The following DTX3 variants were observed in gnomAD, a reference collection of about 807,000 sequenced individuals.
The protein encoded by DTX3 is deltex E3 ubiquitin ligase 3.
A neutral mutation model predicts 27.4 loss-of-function variants in DTX3; 10 were observed. The observed-to-expected ratio is 0.36, with a 90% CI of 0.22 to 0.62. The LOEUF (loss-of-function observed/expected upper bound fraction) is 0.62. Ranked by LOEUF, DTX3 falls within the 20% of genes least tolerant of loss-of-function variation. The pLI, the probability that DTX3 is intolerant of heterozygous loss-of-function variation, is 0.68. For synonymous variants in DTX3, 171 were observed against 190.7 expected, an observed-to-expected ratio of 0.90 and a Z score of 0.85; for missense variants, 319 against 463.8, an observed-to-expected ratio of 0.69 and a Z score of 2.87.
chr12:57,606,406 G>A, intron 3 of DTX3, 37 bp from the exon 4 acceptor site: 2 of 1,537,912 alleles, frequency 1.3e-6, no homozygotes, highest in Non-Finnish European at 1.8e-6. Flanking sequence ...TGGGAGAAGG[G>A]GTTTCTCACT....
At chr12:57,606,549 C>G (rs747095815) in intron 4 of DTX3, 31 bp downstream of exon 4, 1 of 1,613,024 alleles carries the variant, frequency 6.2e-7, no homozygotes, top group Admixed American at 1.7e-5. Context: ...AAGAGTCTCC[C>G]TCCCCTTTAA....
chr12:57,607,066 C>A lies in DTX3; in HGVS notation c.203C>A (p.Pro68His). 6.2e-7 allele frequency: 1 copy of A among 1,614,196 alleles called. No individual in the cohort carries two copies. Residue 68 changes from proline to histidine, a missense_variant, in exon 5 of 7, where the codon CCC becomes CAC. Transcript: ENST00000337737. This position sits in a 1 kb window ranked among gnomAD's most constrained non-coding sequence, Gnocchi z 7.7. ...CTCCAGCTTTCCCCACAGGGTCCTCCCCCGGCCCCTCCAAATGGGCTCTAC... is the reference window on the plus strand; with the variant it reads ...CTCCAGCTTTCCCCACAGGGTCCTCACCCGGCCCCTCCAAATGGGCTCTAC... ...YVLQLSPQGP[P>H]PAPPNGLYLA...
Position 57,609,181 on chromosome 12 carries a change from T to A in DTX3, c.*29T>A. 6.2e-7 allele frequency: 1 copy of A among 1,608,962 alleles called. No homozygotes were observed. The highest frequency in any genetic ancestry group is 1.1e-5 in the South Asian group (1 of 90,836). On this transcript the variant is annotated 3_prime_UTR_variant, in exon 7 of 7. Transcript: ENST00000337737. The stretch of plus-strand genomic sequence containing the variant: ...ACATCGCCTTTGCCAAGGCCCCTGC[T>A]GTCTGCCTCTACTAGGACCCAGCAG...
chr12:57,607,379 G>C lies in DTX3; in HGVS notation c.516G>C (p.Gln172His), dbSNP rs1484626184. 1.2e-6 allele frequency: 2 copies of C among 1,613,264 alleles called. No homozygotes were observed. Among genetic ancestry groups the C allele is most frequent in the Non-Finnish European group, 1.7e-6 (2 of 1,179,626 alleles). Residue 172 changes from glutamine (Q) to histidine (H), a missense_variant, in exon 5 of 7, where the codon CAG (glutamine) becomes CAC (histidine). This residue lies in a region of DTX3 where 117 missense variants were observed against 258.5 expected (regional missense o/e 0.45). Coordinates refer to ENST00000337737, the MANE Select transcript of DTX3 (RefSeq NM_178502.4). The surrounding 1 kb of genome is among the most constrained non-coding windows in gnomAD (Gnocchi z 7.7). ...STCPICLGEIQNAKTLEKCRH... is the reference protein window; with the variant it reads ...STCPICLGEIHNAKTLEKCRH... ...GCCCCATCTGTCTGGGGGAGATCCA[G>C]AATGCCAAGACATTGGAGAAGTGCC...
rs931851315 is a variant in DTX3, at chr12:57,608,436, A to G, written c.751-84A>G. The G allele has an allele frequency of 4.5e-5, 57 of 1,271,820 alleles. No individual in the cohort carries two copies. The African/African-American group carries it at 7.1e-4, about 16-fold the overall frequency. The allele number at this position is 1,271,820 out of a possible 1,614,324, so 78.8% of individuals were successfully genotyped here. On this transcript the variant is annotated intron_variant, in intron 5 of 6. Transcript: ENST00000337737. This position sits in a 1 kb window ranked among gnomAD's most constrained non-coding sequence, Gnocchi z 6.1. ...ATTAGCTGGGGGTGCTCAGACAGAG[A>G]CTAGCCTGGATGACCCTCCTCTGGC...
rs963119498 is a variant in DTX3 at position 57,607,767 on chromosome 12, C to T, written c.750+154C>T. ...CAGTGCCCTGGACCTAGGAGGTCCC[C>T]GTGAGGCCCAGCCTTTCCATCCCTG... On this transcript the variant is annotated intron_variant, in intron 5 of 6. Coordinates refer to ENST00000337737, the MANE Select transcript of DTX3 (RefSeq NM_178502.4). The surrounding 1 kb of genome is among the most constrained non-coding windows in gnomAD (Gnocchi z 7.7). Among the ~76,000 whole-genome samples the T allele has an allele frequency of 1.3e-5, 2 of 152,038 alleles. No individual in the cohort carries two copies. The highest frequency in any genetic ancestry group is 2.1e-4 in the South Asian group (1 of 4,820).
chr12:57,608,805 C>G lies in DTX3; in HGVS notation c.968+68C>G. On this transcript the variant is annotated intron_variant, in intron 6 of 6. Transcript: ENST00000337737. The surrounding 1 kb of genome is among the most constrained non-coding windows in gnomAD (Gnocchi z 6.1). ...TGTTCCATTTCCACTGAGGGACCCACCAACCCCTCGCTCACGGAGCCTCCT... is the reference window on the plus strand; with the variant it reads ...TGTTCCATTTCCACTGAGGGACCCAGCAACCCCTCGCTCACGGAGCCTCCT... The G allele has an allele frequency of 6.4e-7, 1 of 1,555,624 alleles. No homozygotes were observed. Among genetic ancestry groups the G allele is most frequent in the African/African-American group, 1.4e-5 (1 of 73,490 alleles).
chr12:57,607,439 T>C lies in DTX3; in HGVS notation c.576T>C (p.Ala192=), dbSNP rs1883793270. Residue 192 remains alanine (A), a synonymous_variant, in exon 5 of 7, where the codon GCT becomes GCC. Transcript: ENST00000337737. The surrounding 1 kb of genome is among the most constrained non-coding windows in gnomAD (Gnocchi z 7.7). ...HSFCEGCITR[A]LQVKKACPMC... Reference sequence around the variant, plus strand: ...TCTGCGAGGGCTGCATCACCCGGGCTCTGCAGGTGAAAAAGGCCTGCCCCA... The same window carrying C: ...TCTGCGAGGGCTGCATCACCCGGGCCCTGCAGGTGAAAAAGGCCTGCCCCA... 6 of 1,614,128 alleles carry C rather than the reference T, an allele frequency of 3.7e-6. No homozygotes were observed. The highest frequency in any genetic ancestry group is 1.7e-4 in the Middle Eastern group (1 of 6,058).
chr12:57,607,349 C>T lies in DTX3; in HGVS notation c.486C>T (p.Ser162=). 6.2e-7 allele frequency: 1 copy of T among 1,611,428 alleles called. No individual in the cohort carries two copies. The highest frequency in any genetic ancestry group is 8.5e-7 in the Non-Finnish European group (1 of 1,178,844). ...GGGAGGAGGCAGAAGAGCAGGAGAGCACCTGCCCCATCTGTCTGGGGGAGA... is the reference window on the plus strand; with the variant it reads ...GGGAGGAGGCAGAAGAGCAGGAGAGTACCTGCCCCATCTGTCTGGGGGAGA... ...RLREEAEEQE[S]TCPICLGEIQ... is the part of the protein sequence containing the mutation. Residue 162 remains serine (S), a synonymous_variant, in exon 5 of 7, where the codon AGC becomes AGT. Transcript: ENST00000337737. This position sits in a 1 kb window ranked among gnomAD's most constrained non-coding sequence, Gnocchi z 7.7.
Position 57,607,522 on chromosome 12 carries a change from T to C in DTX3, c.659T>C (p.Leu220Pro). Residue 220 changes from leucine to proline, a missense_variant, in exon 5 of 7, where the codon CTG (leucine) becomes CCG (proline). Transcript: ENST00000337737. This position sits in a 1 kb window ranked among gnomAD's most constrained non-coding sequence, Gnocchi z 7.7. ...AACCAGCCCCAGAATGGGCGGATGC[T>C]GGTCTCTAAGGACGCCACCCTCCTA... ...VGNQPQNGRMLVSKDATLLLP... is the reference protein window; with the variant it reads ...VGNQPQNGRMPVSKDATLLLP... 1 of 1,614,188 alleles carries C rather than the reference T, an allele frequency of 6.2e-7. No individual in the cohort carries two copies. The highest frequency in any genetic ancestry group is 8.5e-7 in the Non-Finnish European group (1 of 1,180,018).
At position 57,607,732 on chromosome 12, in the gene DTX3, C is replaced by A. The variant is rs1336343511; in HGVS notation, c.750+119C>A. 6.6e-6 allele frequency: 9 copies of A among 1,364,462 alleles called. No homozygotes were observed. In the East Asian group the frequency reaches 1.6e-4, roughly 25 times the overall value. 84.5% of individuals were successfully genotyped at this position (1,364,462 alleles called of 1,614,324 possible). ...GACAGTCTTGCTGTCTTCCACTGTG[C>A]CCTCCTACTCAGTGCCCTGGACCTA... On this transcript the variant is annotated intron_variant, in intron 5 of 6. Transcript: ENST00000337737. This position sits in a 1 kb window ranked among gnomAD's most constrained non-coding sequence, Gnocchi z 7.7.
rs1883928001 is a variant in DTX3, at chr12:57,609,541, C to G, written c.*389C>G. Reference sequence around the variant, plus strand: ...TTCCTAACCGCCCCCACATACTGCTCCACCGCTGAACTTCGGGTGCCGGGG... The same window carrying G: ...TTCCTAACCGCCCCCACATACTGCTGCACCGCTGAACTTCGGGTGCCGGGG... On this transcript the variant is annotated 3_prime_UTR_variant, in exon 7 of 7. Transcript: ENST00000337737. 5.0e-6 allele frequency: 1 copy of G among 201,136 alleles called. No homozygotes were observed. The highest frequency in any genetic ancestry group is 1.0e-5 in the Non-Finnish European group (1 of 97,058). The allele number at this position is 201,136 out of a possible 1,614,324, so 12.5% of individuals were successfully genotyped here. A position where few individuals can be genotyped will look rare whatever the true frequency, so the allele number is the denominator to read the frequency against.
chr12:57,606,925 T>C lies in DTX3; in HGVS notation c.62T>C (p.Val21Ala). 6.2e-7 allele frequency: 1 copy of C among 1,614,162 alleles called. No homozygotes were observed. Among genetic ancestry groups the C allele is most frequent in the Non-Finnish European group, 8.5e-7 (1 of 1,180,008 alleles). ...CGGTCKNKVTVSKPVWDFLSK... is the reference protein window; with the variant it reads ...CGGTCKNKVTASKPVWDFLSK... ...GGCACCTGCAAGAACAAAGTGACTG[T>C]GTCCAAGCCCGTGTGGGACTTCCTG... Residue 21 changes from valine (V) to alanine (A), a missense_variant, in exon 5 of 7, where the codon GTG becomes GCG. Val to Ala is a moderately conservative substitution (Grantham distance 64). Coordinates refer to ENST00000337737, the MANE Select transcript of DTX3 (RefSeq NM_178502.4).
Position 57,608,927 on chromosome 12 carries a change from A to T in DTX3, c.969-150A>T, listed in dbSNP as rs1013985979. The T allele has an allele frequency of 2.8e-6, 3 of 1,058,144 alleles. No individual in the cohort carries two copies. The highest frequency in any genetic ancestry group is 4.3e-6 in the Non-Finnish European group (3 of 698,692). 65.5% of individuals were successfully genotyped at this position (1,058,144 alleles called of 1,614,324 possible). ...CCCAGCTTAGCCTACAAAAATAAGC[A>T]GAACTGGGCTAAATTATCTTGGATT... On this transcript the variant is annotated intron_variant, in intron 6 of 6. Coordinates refer to ENST00000337737, the MANE Select transcript of DTX3 (RefSeq NM_178502.4). This position sits in a 1 kb window ranked among gnomAD's most constrained non-coding sequence, Gnocchi z 6.1.
chr12:57,608,607 AC>A lies in DTX3; in HGVS notation c.841del (p.Leu281CysfsTer18). The A allele has an allele frequency of 6.2e-7, 1 of 1,614,184 alleles. No individual in the cohort carries two copies. Among genetic ancestry groups the A allele is most frequent in the Non-Finnish European group, 8.5e-7 (1 of 1,180,026 alleles). ...PDCPEGNKVL[T>X]LFRKAFDQRL... ...CTGCCCTGAGGGCAACAAGGTGCTG[AC>A]CCTGTTCCGCAAGGCGTTTGACCAG... On this transcript the variant is annotated frameshift_variant, in exon 6 of 7. Coordinates refer to ENST00000337737, the MANE Select transcript of DTX3 (RefSeq NM_178502.4). LOFTEE classifies it high-confidence loss of function. This position sits in a 1 kb window ranked among gnomAD's most constrained non-coding sequence, Gnocchi z 6.1.
At chr12:57,606,667 T>A in intron 4 of DTX3, 149 bp downstream of exon 4, 1 of 1,356,020 alleles carries the variant, frequency 7.4e-7, no homozygotes, top group Non-Finnish European at 1.0e-6. Flanking sequence ...AATATAGCTC[T>A]GGAAACTTTT....
chr12:57,607,725 C>T lies in DTX3; in HGVS notation c.750+112C>T. ...GATGTGAGACAGTCTTGCTGTCTTC[C>T]ACTGTGCCCTCCTACTCAGTGCCCT... On this transcript the variant is annotated intron_variant, in intron 5 of 6. Coordinates refer to ENST00000337737, the MANE Select transcript of DTX3 (RefSeq NM_178502.4). The surrounding 1 kb of genome is among the most constrained non-coding windows in gnomAD (Gnocchi z 7.7). 1 of 1,430,808 alleles carries T rather than the reference C, an allele frequency of 7.0e-7. No individual in the cohort carries two copies. Among genetic ancestry groups the T allele is most frequent in the South Asian group, 1.3e-5 (1 of 79,426 alleles). The allele number at this position is 1,430,808 out of a possible 1,614,324, so 88.6% of individuals were successfully genotyped here.
rs1367698262 is a variant in DTX3 at position 57,609,408 on chromosome 12, A to G, written c.*256A>G. ...TGTTCTCCCCTCCCCGTGTACATATACTCCCGGTTTCCCTGCCCCTCCATT... is the reference window on the plus strand; with the variant it reads ...TGTTCTCCCCTCCCCGTGTACATATGCTCCCGGTTTCCCTGCCCCTCCATT... On this transcript the variant is annotated 3_prime_UTR_variant, in exon 7 of 7. Coordinates refer to ENST00000337737, the MANE Select transcript of DTX3 (RefSeq NM_178502.4). 8.4e-6 allele frequency: 4 copies of G among 478,900 alleles called. No individual in the cohort carries two copies. Among genetic ancestry groups the G allele is most frequent in the African/African-American group, 7.8e-5 (4 of 50,978 alleles). 29.7% of individuals were successfully genotyped at this position (478,900 alleles called of 1,614,324 possible).
At position 57,608,745 on chromosome 12, in the gene DTX3, C is replaced by A. The variant is rs771146232; in HGVS notation, c.968+8C>A. The A allele has an allele frequency of 6.2e-7, 1 of 1,613,726 alleles. No homozygotes were observed. The highest frequency in any genetic ancestry group is 1.7e-5 in the Admixed American group (1 of 59,994). On this transcript the variant is annotated splice_region_variant and intron_variant, in intron 6 of 6. Coordinates refer to ENST00000337737, the MANE Select transcript of DTX3 (RefSeq NM_178502.4). This position sits in a 1 kb window ranked among gnomAD's most constrained non-coding sequence, Gnocchi z 6.1. ...CACAGGGGGACCCCAGCTGTGCGACCCCTCTTCATTTCCTTTCCCTTGGCT... is the reference window on the plus strand; with the variant it reads ...CACAGGGGGACCCCAGCTGTGCGACACCTCTTCATTTCCTTTCCCTTGGCT...
Sources: allele counts gnomAD v4.1 joint callset (sites outside exome capture counted in the v4.1 genomes callset), GRCh38; gene constraint gnomAD v4.1.1; regional missense constraint gnomAD v4.1.1; non-coding constraint Gnocchi (gnomAD v3.1); transcripts MANE v1.5; gene names NCBI Gene and HGNC (gene_info 2026-07-23, HGNC 2026-07-21).